ZKSCAN2: variants seen among roughly 807,000 people sequenced by gnomAD.
The protein encoded by ZKSCAN2 is zinc finger protein with KRAB and SCAN domains 2.
In ZKSCAN2, 38 loss-of-function variants were observed where a neutral mutation model predicts 90.5. The observed-to-expected ratio is 0.42, with a 90% CI of 0.32 to 0.55. The LOEUF is 0.55. Ranked by LOEUF, ZKSCAN2 falls within the 20% of genes least tolerant of loss-of-function variation. The pLI is 0.11. For synonymous variants in ZKSCAN2, 429 were observed against 421.6 expected (o/e 1.02, Z -0.22); for missense variants, 1,167 against 1,202.6 (o/e 0.97, Z 0.44).
At chr16:25,241,427 A>T (rs888941755) in intron 6 of ZKSCAN2, among the ~76,000 whole-genome samples, 3 of 152,202 alleles carry the variant, frequency 2.0e-5, no homozygotes, top group African/African-American at 7.2e-5. Context: ...CATCTTGGTG[A>T]GTTATTAACT....
At chr16:25,252,178 AG>A in intron 3 of ZKSCAN2, 143 bp from the exon 4 acceptor site, 1 of 875,030 alleles carries the variant, frequency 1.1e-6, no homozygotes, top group Non-Finnish European at 1.7e-6. Context: ...GAAGCAGAAG[AG>A]AAAGAATCAT....
chr16:25,245,564 G>C (rs1028003806), intron 5 of ZKSCAN2, among the ~76,000 whole-genome samples: 3 of 152,048 alleles, frequency 2.0e-5, no homozygotes, highest in Non-Finnish European at 4.4e-5. Flanking sequence ...TTGGGAGTTT[G>C]AGACCAGCCT....
Position 25,246,853 on chromosome 16 carries a change from T to C in ZKSCAN2, c.1343A>G (p.Lys448Arg). ...TTCCTTAGCACTGATGGCAATTCTCTTCAGTCTGGGGACAGGTATCATCTC... is the reference window on the plus strand; with the variant it reads ...TTCCTTAGCACTGATGGCAATTCTCCTCAGTCTGGGGACAGGTATCATCTC... ...PKEMIPVPRL[K>R]RIAISAKEHI... The change falls in exon 5 of 7, where the codon AAG becomes AGG. Residue 448 changes from lysine to arginine, a missense_variant. Transcript: ENST00000328086. 1 of 1,614,178 alleles carries C rather than the reference T, an allele frequency of 6.2e-7. No individual in the cohort carries two copies. Among genetic ancestry groups the C allele is most frequent in the Non-Finnish European group, 8.5e-7 (1 of 1,180,030 alleles).
rs746270039 is a variant in ZKSCAN2, at chr16:25,240,360, C to T, written c.2360G>A (p.Ser787Asn). 1.9e-6 allele frequency: 3 copies of T among 1,613,902 alleles called. No individual in the cohort carries two copies. The highest frequency in any genetic ancestry group is 2.5e-6 in the Non-Finnish European group (3 of 1,180,032). Reference protein sequence around the residue: ...CGVCGKCFGRSRSLIRHQRIH... With the variant: ...CGVCGKCFGRNRSLIRHQRIH... ...TCTTTGGTGTCTGATCAGGCTCCTGCTTCTACCAAAGCACTTCCCACAGAC... is the reference window on the plus strand; with the variant it reads ...TCTTTGGTGTCTGATCAGGCTCCTGTTTCTACCAAAGCACTTCCCACAGAC... The change falls in exon 7 of 7, where the codon AGC becomes AAC. Residue 787 changes from serine to asparagine, a missense_variant. Coordinates refer to ENST00000328086, the MANE Select transcript of ZKSCAN2 (RefSeq NM_001012981.5).
Position 25,247,385 on chromosome 16 carries a change from CACTTCCT to C in ZKSCAN2, c.806-2_810del. The stretch of plus-strand genomic sequence containing the variant: ...GTTATCTTGTTAGATGTAGACACTG[CACTTCCT>C]ACAGTAAAATAAACATATTTCATGG... On this transcript the variant is annotated splice_acceptor_variant and coding_sequence_variant, in exon 5 of 7. Coordinates refer to ENST00000328086, the MANE Select transcript of ZKSCAN2 (RefSeq NM_001012981.5). LOFTEE classifies it high-confidence loss of function. 1 of 1,601,886 alleles carries C rather than the reference CACTTCCT, an allele frequency of 6.2e-7. No individual in the cohort carries two copies. The highest frequency in any genetic ancestry group is 8.5e-7 in the Non-Finnish European group (1 of 1,176,720).
rs1410604263 is a variant in ZKSCAN2 at position 25,251,912 on chromosome 16, G to C, written c.802C>G (p.Leu268Val). The C allele has an allele frequency of 6.2e-7, 1 of 1,613,904 alleles. No homozygotes were observed. Among genetic ancestry groups the C allele is most frequent in the African/African-American group, 1.3e-5 (1 of 74,928 alleles). The stretch of plus-strand genomic sequence containing the variant: ...TGGAAAGGGAAGGAATCCTTACCCA[G>C]GGAGACCACGTTCCCAACATTCTCC... ...RKENVGNVVS[L>V]GSAVSTSNKI... The change falls in exon 4 of 7, where the codon CTG (leucine) becomes GTG (valine). Residue 268 changes from leucine (L) to valine (V), a missense_variant. Transcript: ENST00000328086.
chr16:25,250,021 A>G (rs919391698), intron 4 of ZKSCAN2, among the ~76,000 whole-genome samples: 3 of 152,248 alleles, frequency 2.0e-5, no homozygotes, highest in Admixed American at 2.0e-4. Flanking sequence ...AGTCATAAAA[A>G]AGAAGGAGCC....
chr16:25,257,590 G>T lies in ZKSCAN2; in HGVS notation c.-463C>A. The T allele has an allele frequency of 2.3e-6, 2 of 860,584 alleles. No homozygotes were observed. The highest frequency in any genetic ancestry group is 2.8e-6 in the Non-Finnish European group (2 of 716,020). The allele number at this position is 860,584 out of a possible 1,614,324, so 53.3% of individuals were successfully genotyped here. ...CCGCCCGGCGCCAGGTTCCGGGCTC[G>T]GGTCACCGCAGCACGTCCAGGCCGC... is the stretch of plus-strand genomic sequence containing the variant. On this transcript the variant is annotated 5_prime_UTR_variant, in exon 1 of 7. Transcript: ENST00000328086.
intron 1 of ZKSCAN2, among the ~76,000 whole-genome samples, 167 bp downstream of exon 1, chr16:25,256,562 C>A (rs1452529220): frequency 6.6e-6 from 1 of 151,978 alleles, no homozygotes; most frequent in Admixed American, 6.6e-5. Context: ...AATTCTGATC[C>A]CCTTTTAAGT....
At chr16:25,246,324 G>T in intron 5 of ZKSCAN2, 1 of 175,812 alleles carries the variant, frequency 5.7e-6, no homozygotes, top group Admixed American at 5.8e-5. Context: ...ATTTTGTACT[G>T]GTTATTTTAG....
At chr16:25,253,366 G>A (rs2141370333) in intron 2 of ZKSCAN2, among the ~76,000 whole-genome samples, 1 of 151,946 alleles carries the variant, frequency 6.6e-6, no homozygotes, top group Admixed American at 6.5e-5. Context: ...TATGGCTGTG[G>A]TACCTTCCCT....
chr16:25,240,840 T>C, intron 6 of ZKSCAN2, 102 bp from the exon 7 acceptor site: 2 of 861,798 alleles, frequency 2.3e-6, no homozygotes, highest in Non-Finnish European at 3.6e-6. Context: ...TACACTTCTC[T>C]AACCTCAGAT....
chr16:25,247,043 C>T lies in ZKSCAN2; in HGVS notation c.1153G>A (p.Gly385Ser), dbSNP rs1851338664. 1.2e-6 allele frequency: 2 copies of T among 1,614,056 alleles called. No homozygotes were observed. ...CACTGTTCTGGGGTTCTAAGGAAGC[C>T]ACATTCTCGCAACCATTCAGCCACA... Reference protein sequence around the residue: ...GAVAEWLRECGFLRTPEQCRT... With the variant: ...GAVAEWLRECSFLRTPEQCRT... Residue 385 changes from glycine (G) to serine (S), a missense_variant, in exon 5 of 7, where the codon GGC becomes AGC. Transcript: ENST00000328086.
At chr16:25,243,390 C>T (rs912197823) in intron 6 of ZKSCAN2, among the ~76,000 whole-genome samples, 17 of 152,330 alleles carry the variant, frequency 1.1e-4, no homozygotes, top group African/African-American at 2.6e-4. Flanking sequence ...TGCAATGGCA[C>T]GATCTCGGCT....
chr16:25,252,088 A>G (rs1435713129), intron 3 of ZKSCAN2, 53 bp from the exon 4 acceptor site: 2 of 1,598,228 alleles, frequency 1.3e-6, no homozygotes, highest in South Asian at 2.2e-5. Flanking sequence ...AGGTCTTCAA[A>G]GGATGAGCAA....
At chr16:25,245,258 C>A (rs566668098) in intron 5 of ZKSCAN2, among the ~76,000 whole-genome samples, 1 of 152,168 alleles carries the variant, frequency 6.6e-6, no homozygotes, top group Non-Finnish European at 1.5e-5. Flanking sequence ...GAGTGTGCCA[C>A]CATGCCTGGC....
chr16:25,252,066 AG>A, intron 3 of ZKSCAN2, 31 bp from the exon 4 acceptor site: 1 of 1,612,676 alleles, frequency 6.2e-7, no homozygotes, highest in Non-Finnish European at 8.5e-7. Context: ...ATGACTACCA[AG>A]ATAACTGCAC....
chr16:25,242,452 C>G (rs374744585), intron 6 of ZKSCAN2, among the ~76,000 whole-genome samples: 1 of 152,112 alleles, frequency 6.6e-6, no homozygotes, highest in Non-Finnish European at 1.5e-5. Context: ...AACTGATTGC[C>G]GAGGGCTTAA....
At chr16:25,243,570 C>T (rs926063464) in intron 6 of ZKSCAN2, among the ~76,000 whole-genome samples, 1 of 152,194 alleles carries the variant, frequency 6.6e-6, no homozygotes, top group Non-Finnish European at 1.5e-5. Context: ...CCCAGGTGAT[C>T]CACCCGCCTC....
Sources: gnomAD v4.1 joint callset for allele counts (sites outside exome capture counted in the v4.1 genomes callset) on GRCh38, gnomAD v4.1.1 for gene constraint, MANE v1.5 for transcripts, NCBI Gene and HGNC (gene_info 2026-07-23, HGNC 2026-07-21) for gene names.